WDPCP: variants seen among roughly 807,000 people sequenced by gnomAD.
The protein encoded by WDPCP is WD repeat-containing and planar cell polarity effector protein fritz homolog.
WDPCP carries 71 observed loss-of-function variants against 93.1 expected under a neutral mutation model. The observed-to-expected ratio is 0.76, with a 90% CI of 0.63 to 0.93. The LOEUF (loss-of-function observed/expected upper bound fraction) is 0.93, where lower values mean the gene tolerates loss of function less well. WDPCP is among the 40% of genes least tolerant of loss of function. The probability of loss-of-function intolerance (pLI) is 0.00; values close to 1 mark genes in which losing one functional copy is unlikely to be tolerated. For synonymous variants in WDPCP, 315 were observed against 315.0 expected (o/e 1.00, Z 0.00); for missense variants, 844 against 887.4 (o/e 0.95, Z 0.62).
chr2:63,665,666 A>G (rs1339639564), intron 2 of WDPCP, among the ~76,000 whole-genome samples: 1 of 152,216 alleles, frequency 6.6e-6, no homozygotes, highest in East Asian at 1.9e-4. Flanking sequence ...TATTGGCTGC[A>G]AATAAACTAT....
At chr2:63,834,325 A>C in the WDPCP span, among the ~76,000 whole-genome samples, 1 of 152,356 alleles carries the variant, frequency 6.6e-6, no homozygotes, top group Non-Finnish European at 1.5e-5. Context: ...GAACTTCAGT[A>C]AGTTGCTGAC....
the WDPCP span, among the ~76,000 whole-genome samples, chr2:63,836,078 C>T: frequency 6.6e-6 from 1 of 152,232 alleles, no homozygotes; most frequent in Non-Finnish European, 1.5e-5. Flanking sequence ...TGCTCTCAAA[C>T]TCCTGACCTC....
chr2:63,433,450 C>G (rs920163892), intron 9 of WDPCP, among the ~76,000 whole-genome samples: 3 of 152,124 alleles, frequency 2.0e-5, no homozygotes, highest in African/African-American at 7.2e-5. Context: ...TCATCATGAA[C>G]TGTATTTTTC....
At chr2:63,659,501 A>C (rs1171127703) in intron 2 of WDPCP, among the ~76,000 whole-genome samples, 1 of 152,214 alleles carries the variant, frequency 6.6e-6, no homozygotes, top group Non-Finnish European at 1.5e-5. Flanking sequence ...ACAGACACAC[A>C]AACAAGAGGA....
chr2:63,621,341 T>C (rs751406778), intron 3 of WDPCP, among the ~76,000 whole-genome samples: 1 of 151,840 alleles, frequency 6.6e-6, no homozygotes, highest in African/African-American at 2.4e-5. Flanking sequence ...AATGACATGA[T>C]GGAGCTGAAA....
At position 63,785,926 on chromosome 2, in the gene WDPCP, T is replaced by C. The variant is rs145381231; in HGVS notation, n.308+27696A>G. ...GTACACATTTGGTAGCATAGCTTCA[T>C]GTATTGCAAACAAGATTAACCACAC... On this transcript the variant is annotated intron_variant and non_coding_transcript_variant, in intron 2 of 4. Coordinates refer to the WDPCP transcript ENST00000467687. 3.1e-3 allele frequency among the ~76,000 whole-genome samples: 467 copies of C among 152,346 alleles called. 1 individual carries two copies. Among genetic ancestry groups the C allele is most frequent in the Admixed American group, 3.7e-3 (57 of 15,294 alleles).
chr2:63,759,421 G>A (rs1670019437), intron 2 of WDPCP, among the ~76,000 whole-genome samples: 1 of 152,154 alleles, frequency 6.6e-6, no homozygotes, highest in African/African-American at 2.4e-5. Context: ...CCCTGGGAAA[G>A]GGGACTTGAG....
In WDPCP at chr2:63,722,050, G is replaced by C. The variant is rs1447834017; in HGVS notation, n.309-71212C>G. On this transcript the variant is annotated intron_variant and non_coding_transcript_variant, in intron 2 of 4. Coordinates refer to the WDPCP transcript ENST00000467687. ...TCAGTGCTCAATGGTGCCCAGGCTGGAGTGCAGTGGCGTGATCTCGGCTCG... is the reference window on the plus strand; with the variant it reads ...TCAGTGCTCAATGGTGCCCAGGCTGCAGTGCAGTGGCGTGATCTCGGCTCG... 2.0e-4 allele frequency among the ~76,000 whole-genome samples: 30 copies of C among 152,250 alleles called. No individual in the cohort carries two copies. In the South Asian group the frequency reaches 5.8e-3, roughly 29 times the overall value.
At chr2:63,487,081 C>A (rs527539267) in intron 3 of WDPCP, among the ~76,000 whole-genome samples, 16 of 152,022 alleles carry the variant, frequency 1.1e-4, no homozygotes, top group Non-Finnish European at 2.2e-4. Context: ...TGATCATTCA[C>A]TCAGAAATGC....
chr2:63,824,633 C>A (rs111335933), intron 1 of WDPCP, among the ~76,000 whole-genome samples: 7 of 147,468 alleles, frequency 4.7e-5, no homozygotes, highest in African/African-American at 1.7e-4. Flanking sequence ...TCAATCAAAT[C>A]TTTATCTTAT....
chr2:63,398,027 T>A (rs1363657206), intron 10 of WDPCP, among the ~76,000 whole-genome samples: 2 of 152,132 alleles, frequency 1.3e-5, no homozygotes, highest in Non-Finnish European at 2.9e-5. Context: ...AAAGGGAATG[T>A]TATGGGATCC....
intron 1 of WDPCP, among the ~76,000 whole-genome samples, chr2:63,533,116 G>T (rs7607974): frequency 0.069 from 10,442 of 151,050 alleles, 1,095 homozygotes; most frequent in African/African-American, 0.23. Flanking sequence ...ACAAAGAAGG[G>T]CATTACATAA....
intron 2 of WDPCP, among the ~76,000 whole-genome samples, chr2:63,693,863 G>A (rs1436310182): frequency 1.3e-5 from 2 of 152,144 alleles, no homozygotes; most frequent in African/African-American, 4.8e-5. Context: ...TTCTGCAATT[G>A]TATACATCAT....
chr2:63,424,025 A>T (rs1696065450), intron 9 of WDPCP, among the ~76,000 whole-genome samples: 1 of 152,140 alleles, frequency 6.6e-6, no homozygotes, highest in African/African-American at 2.4e-5. Flanking sequence ...CCTGCATAGG[A>T]CTGCTGAGCA....
chr2:63,354,448 C>A (rs1689856636), intron 12 of WDPCP, among the ~76,000 whole-genome samples: 1 of 152,128 alleles, frequency 6.6e-6, no homozygotes, highest in Non-Finnish European at 1.5e-5. Context: ...CTACAGCCAG[C>A]ACTCAAGGGG....
In WDPCP at chr2:63,707,061, T is replaced by G. The variant is rs925979920; in HGVS notation, n.309-56223A>C. 2.8e-4 allele frequency among the ~76,000 whole-genome samples: 42 copies of G among 152,344 alleles called. 1 individual carries two copies. Among genetic ancestry groups the G allele is most frequent in the Middle Eastern group, 3.4e-3 (1 of 294 alleles). ...CTTTCTTTCTGGCTGCCTTTAACTT[T>G]TTTTCCTTCATTTCAACTTTGGTGA... On this transcript the variant is annotated intron_variant and non_coding_transcript_variant, in intron 2 of 4. Transcript: ENST00000467687.
chr2:63,372,259 A>C (rs1691460127), intron 12 of WDPCP, among the ~76,000 whole-genome samples: 1 of 152,138 alleles, frequency 6.6e-6, no homozygotes, highest in African/African-American at 2.4e-5. Flanking sequence ...CACAGGGAGC[A>C]TCAAGCCATA....
chr2:63,235,420 C>A (rs1383513978), intron 14 of WDPCP, among the ~76,000 whole-genome samples: 1 of 152,108 alleles, frequency 6.6e-6, no homozygotes, highest in Non-Finnish European at 1.5e-5. Context: ...ACCAGATGTA[C>A]AAAGAAGAAC....
chr2:63,380,712 G>A (rs991042215), intron 11 of WDPCP, among the ~76,000 whole-genome samples: 3 of 152,062 alleles, frequency 2.0e-5, no homozygotes, highest in African/African-American at 7.2e-5. Flanking sequence ...AACAGAGTGA[G>A]ACTGTCTCTA....
Sources: gnomAD v4.1 joint callset for allele counts (sites outside exome capture counted in the v4.1 genomes callset) on GRCh38, gnomAD v4.1.1 for gene constraint, MANE v1.5 for transcripts, NCBI Gene and HGNC (gene_info 2026-07-23, HGNC 2026-07-21) for gene names.